The following DNAJC1 variants were observed in gnomAD, a reference collection of about 807,000 sequenced individuals.
The protein encoded by DNAJC1 is DnaJ heat shock protein family (Hsp40) member C1, also known as dnaJ homolog subfamily C member 1.
DNAJC1 carries 58 observed loss-of-function variants against 76.6 expected under a neutral mutation model. The ratio of observed to expected loss-of-function variants is 0.76; its 90% CI spans 0.61 to 0.94. DNAJC1 has a LOEUF of 0.94. DNAJC1 is among the 40% of genes least tolerant of loss of function. The pLI is 0.00. For missense variants in DNAJC1, 689 were observed against 677.3 expected, an observed-to-expected ratio of 1.02 and a Z score of -0.19; for synonymous variants, 258 against 267.9, an observed-to-expected ratio of 0.96 and a Z score of 0.36.
At chr10:21,953,833 AAAAAAAAAAAAAGAAGAGG>A (rs1837637233) in intron 1 of DNAJC1, among the ~76,000 whole-genome samples, 1 of 150,172 alleles carries the variant, frequency 6.7e-6, no homozygotes, top group African/African-American at 2.4e-5. Flanking sequence ...AAAAAAAAAA[AAAAAAAAAAAAAGAAGAGG>A]AAAAAAAAAA....
rs543194394 is a variant in DNAJC1 at position 21,835,269 on chromosome 10, GT to G, written c.979-29171del. ...CAACAGACCTGCAGCTGAGGGTCCT[GT>G]CTGTTAGAAGGAAAACTAACAAACA... On this transcript the variant is annotated intron_variant, in intron 8 of 11. Coordinates refer to ENST00000376980, the MANE Select transcript of DNAJC1 (RefSeq NM_022365.4). Among the ~76,000 whole-genome samples, 35 of 152,304 alleles carry G rather than the reference GT, an allele frequency of 2.3e-4. 1 individual carries two copies. The highest frequency in any genetic ancestry group is 8.2e-4 in the African/African-American group (34 of 41,558).
chr10:21,858,230 C>T (rs951161866), intron 8 of DNAJC1, among the ~76,000 whole-genome samples: 1 of 151,978 alleles, frequency 6.6e-6, no homozygotes, highest in Admixed American at 6.6e-5. Context: ...ACAGAACAGG[C>T]ATTTTATAGC....
At chr10:21,777,739 T>C (rs1834471388) in intron 9 of DNAJC1, among the ~76,000 whole-genome samples, 1 of 152,250 alleles carries the variant, frequency 6.6e-6, no homozygotes, top group Non-Finnish European at 1.5e-5. Context: ...AGGCCTGGAC[T>C]GACATTAACT....
At chr10:21,797,448 T>C (rs1007874273) in intron 9 of DNAJC1, among the ~76,000 whole-genome samples, 2 of 152,244 alleles carry the variant, frequency 1.3e-5, no homozygotes, top group Non-Finnish European at 1.5e-5. Flanking sequence ...TAATTCCATA[T>C]ACACTTCAGG....
chr10:21,999,958 A>AG (rs1194857956), intron 1 of DNAJC1, among the ~76,000 whole-genome samples: 1 of 152,266 alleles, frequency 6.6e-6, no homozygotes, highest in African/African-American at 2.4e-5. Context: ...CCTACATACC[A>AG]GCTCAACTTC....
At chr10:21,860,298 T>A (rs1835900828) in intron 8 of DNAJC1, among the ~76,000 whole-genome samples, 1 of 152,108 alleles carries the variant, frequency 6.6e-6, no homozygotes, top group Admixed American at 6.6e-5. Context: ...TATTCTCTTA[T>A]CTCTAAAATA....
At chr10:21,983,470 A>T (rs1590079165) in intron 1 of DNAJC1, among the ~76,000 whole-genome samples, 1 of 152,314 alleles carries the variant, frequency 6.6e-6, no homozygotes, top group East Asian at 1.9e-4. Context: ...CACACCTGTA[A>T]TACCAGCACT....
intron 1 of DNAJC1, among the ~76,000 whole-genome samples, chr10:21,934,334 TAAA>T (rs1303622590): frequency 1.3e-5 from 2 of 152,168 alleles, no homozygotes. Context: ...TACAAAAAGT[TAAA>T]AAGTTTATAA....
intron 6 of DNAJC1, among the ~76,000 whole-genome samples, chr10:21,917,512 A>G (rs1052287281): frequency 1.3e-5 from 2 of 152,180 alleles, no homozygotes; most frequent in Admixed American, 1.3e-4. Flanking sequence ...GCAAAAAATA[A>G]TCAGACTTCA....
chr10:21,918,524 T>A (rs906825199), intron 6 of DNAJC1, among the ~76,000 whole-genome samples: 1 of 151,920 alleles, frequency 6.6e-6, no homozygotes, highest in Non-Finnish European at 1.5e-5. Flanking sequence ...GTACTAAAGA[T>A]AGTATGTTTT....
intron 1 of DNAJC1, among the ~76,000 whole-genome samples, chr10:21,987,253 T>C (rs1234105582): frequency 1.3e-5 from 2 of 152,214 alleles, no homozygotes; most frequent in African/African-American, 4.8e-5. Flanking sequence ...TTAATGTTCT[T>C]AGTCTAGCCA....
At chr10:21,823,637 C>G (rs917232015) in intron 8 of DNAJC1, among the ~76,000 whole-genome samples, 3 of 151,770 alleles carry the variant, frequency 2.0e-5, no homozygotes, top group African/African-American at 4.8e-5. Context: ...TACATATAAA[C>G]CAAGGGTGTC....
At chr10:21,937,619 C>G (rs946310171) in intron 1 of DNAJC1, among the ~76,000 whole-genome samples, 16 of 152,192 alleles carry the variant, frequency 1.1e-4, no homozygotes, top group African/African-American at 3.8e-4. Flanking sequence ...CTAGACACAT[C>G]TAACAGACAT....
chr10:21,917,826 C>T (rs1267483310), intron 6 of DNAJC1, among the ~76,000 whole-genome samples: 1 of 151,856 alleles, frequency 6.6e-6, no homozygotes, highest in African/African-American at 2.4e-5. Context: ...AAAAGAAGCA[C>T]ACTAGTATTT....
In DNAJC1 at chr10:21,929,036, T is replaced by G; in HGVS notation, c.324+4A>C. 1 of 1,571,502 alleles carries G rather than the reference T, an allele frequency of 6.4e-7. No homozygotes were observed. Among genetic ancestry groups the G allele is most frequent in the Non-Finnish European group, 8.7e-7 (1 of 1,148,220 alleles). ...ATATATATATAATAGCATATTTCAC[T>G]TACTTGTCTAAACTGAGTTTCTGCA... On this transcript the variant is annotated splice_donor_region_variant and intron_variant, in intron 2 of 11. Coordinates refer to ENST00000376980, the MANE Select transcript of DNAJC1 (RefSeq NM_022365.4).
intron 8 of DNAJC1, among the ~76,000 whole-genome samples, chr10:21,840,842 A>T (rs1032124620): frequency 6.6e-6 from 1 of 152,196 alleles, no homozygotes; most frequent in African/African-American, 2.4e-5. Context: ...ACACTACCTG[A>T]CTTCAAACTA....
At chr10:21,824,359 T>C (rs577328046) in intron 8 of DNAJC1, among the ~76,000 whole-genome samples, 2 of 152,286 alleles carry the variant, frequency 1.3e-5, no homozygotes, top group South Asian at 4.1e-4. Flanking sequence ...GCACTTCAAG[T>C]GTGAGAGTTC....
At chr10:21,911,040 AAAGGAAGGAAGGAAGGAAGG>A (rs56239918) in intron 6 of DNAJC1, among the ~76,000 whole-genome samples, 50 of 130,116 alleles carry the variant, frequency 3.8e-4, no homozygotes, top group African/African-American at 4.8e-4. Context: ...AAAGAGAGAG[AAAGGAAGGAAGGAAGGAAGG>A]AAGGAAGGAA....
At chr10:21,797,139 G>T (rs1377446248) in intron 9 of DNAJC1, among the ~76,000 whole-genome samples, 1 of 151,870 alleles carries the variant, frequency 6.6e-6, no homozygotes, top group Non-Finnish European at 1.5e-5. Flanking sequence ...GTGTAAGTAA[G>T]GGTCCAGTTT....
Sources: allele counts gnomAD v4.1 joint callset (sites outside exome capture counted in the v4.1 genomes callset), GRCh38; gene constraint gnomAD v4.1.1; transcripts MANE v1.5; gene names NCBI Gene and HGNC (gene_info 2026-07-23, HGNC 2026-07-21).